Variants in KIAA0319 observed in about 807,000 individuals in gnomAD.
The protein encoded by KIAA0319 is dyslexia-associated protein KIAA0319.
In KIAA0319, 83 loss-of-function variants were observed where a neutral mutation model predicts 108.4. That is an observed-to-expected ratio of 0.77 (90% CI 0.64 to 0.92). The LOEUF is 0.92. Among genes scored for constraint, KIAA0319 ranks in the 40% least tolerant of loss-of-function variants. The pLI is 0.00. For synonymous variants in KIAA0319, 484 were observed against 510.4 expected (o/e 0.95, Z 0.70); for missense variants, 1,195 against 1,322.4 (o/e 0.90, Z 1.49).
At position 24,578,189 on chromosome 6, in the gene KIAA0319, G is replaced by C. The variant is rs749632488; in HGVS notation, c.1426C>G (p.Pro476Ala). ...VSYHWEEING[P>A]FIEEKTSVDS... ...ACTGAAGTCTTCTCTTCTATGAAGG[G>C]CCCGTTTATTTCTTCCCAATGATAA... is the stretch of plus-strand genomic sequence containing the variant. The change falls in exon 9 of 21, where the codon CCC (proline) becomes GCC (alanine). Residue 476 changes from proline to alanine, a missense_variant. Coordinates refer to ENST00000378214, the MANE Select transcript of KIAA0319 (RefSeq NM_014809.4). 1 of 1,608,770 alleles carries C rather than the reference G, an allele frequency of 6.2e-7. No homozygotes were observed. Among genetic ancestry groups the C allele is most frequent in the African/African-American group, 1.3e-5 (1 of 74,856 alleles).
At chr6:24,625,502 C>T in intron 1 of KIAA0319, among the ~76,000 whole-genome samples, 1 of 152,012 alleles carries the variant, frequency 6.6e-6, no homozygotes, top group East Asian at 1.9e-4. Context: ...AAAAGCTTTG[C>T]CCCTAAGATC....
At chr6:24,552,373 G>A (rs1328238667) in intron 19 of KIAA0319, among the ~76,000 whole-genome samples, 1 of 152,108 alleles carries the variant, frequency 6.6e-6, no homozygotes, top group Non-Finnish European at 1.5e-5. Flanking sequence ...CTTCATAAAT[G>A]TTCACAGTTA....
At chr6:24,571,607 C>T (rs1443165617) in intron 11 of KIAA0319, among the ~76,000 whole-genome samples, 1 of 152,108 alleles carries the variant, frequency 6.6e-6, no homozygotes, top group Non-Finnish European at 1.5e-5. Context: ...AACCTCCCCA[C>T]CACCTCCCAT....
chr6:24,606,018 TC>T (rs1411191937), intron 1 of KIAA0319, among the ~76,000 whole-genome samples: 1 of 151,892 alleles, frequency 6.6e-6, no homozygotes, highest in Non-Finnish European at 1.5e-5. Flanking sequence ...CACTGCAACC[TC>T]CGCCTCCCGG....
At chr6:24,573,778 T>A (rs368736062) in intron 10 of KIAA0319, among the ~76,000 whole-genome samples, 8 of 152,266 alleles carry the variant, frequency 5.3e-5, no homozygotes, top group Admixed American at 1.3e-4. Flanking sequence ...TATTATTATT[T>A]TTTTTAACCA....
chr6:24,611,563 G>A (rs1036618178), intron 1 of KIAA0319, among the ~76,000 whole-genome samples: 2 of 152,182 alleles, frequency 1.3e-5, no homozygotes, highest in African/African-American at 4.8e-5. Flanking sequence ...TGTCTTAAAT[G>A]TTCATGGAAA....
chr6:24,562,661 G>A (rs1349330056), intron 16 of KIAA0319, among the ~76,000 whole-genome samples: 1 of 152,112 alleles, frequency 6.6e-6, no homozygotes, highest in African/African-American at 2.4e-5. Context: ...TCAACAAGAT[G>A]AAACCCTGCC....
intron 1 of KIAA0319, among the ~76,000 whole-genome samples, chr6:24,623,122 G>C (rs1224432844): frequency 6.6e-6 from 1 of 152,120 alleles, no homozygotes; most frequent in Non-Finnish European, 1.5e-5. Flanking sequence ...AGAATTCAAA[G>C]TCAAGCTATC....
chr6:24,600,274 A>G (rs914177303), intron 2 of KIAA0319, among the ~76,000 whole-genome samples: 2 of 152,144 alleles, frequency 1.3e-5, no homozygotes, highest in Non-Finnish European at 2.9e-5. Flanking sequence ...ATTTTTTCTT[A>G]CACACTAAGC....
At chr6:24,608,429 T>C (rs1388458307) in intron 1 of KIAA0319, among the ~76,000 whole-genome samples, 1 of 151,914 alleles carries the variant, frequency 6.6e-6, no homozygotes, top group Non-Finnish European at 1.5e-5. Flanking sequence ...AATTTTAAAG[T>C]GCACATGGGA....
intron 3 of KIAA0319, among the ~76,000 whole-genome samples, chr6:24,591,040 T>C (rs1038534926): frequency 7.2e-5 from 11 of 152,222 alleles, no homozygotes; most frequent in Admixed American, 7.2e-4. Flanking sequence ...TTAAAACAAC[T>C]TGTTTTAGGT....
chr6:24,567,003 C>T (rs1270370551), intron 13 of KIAA0319, among the ~76,000 whole-genome samples: 1 of 152,126 alleles, frequency 6.6e-6, no homozygotes, highest in African/African-American at 2.4e-5. Context: ...GGGAATTTTT[C>T]TAATATTGTT....
intron 1 of KIAA0319, among the ~76,000 whole-genome samples, chr6:24,625,891 G>A (rs1205369816): frequency 6.6e-6 from 1 of 152,210 alleles, no homozygotes; most frequent in Non-Finnish European, 1.5e-5. Flanking sequence ...AGTGGAGACT[G>A]TAAAACATCA....
chr6:24,581,869 C>T (rs986799934), intron 6 of KIAA0319, among the ~76,000 whole-genome samples: 5 of 152,142 alleles, frequency 3.3e-5, no homozygotes, highest in South Asian at 2.1e-4. Context: ...TGCAGCTGGG[C>T]GTGGTGGCTC....
At chr6:24,626,223 A>T (rs1392607010) in intron 1 of KIAA0319, among the ~76,000 whole-genome samples, 1 of 152,206 alleles carries the variant, frequency 6.6e-6, no homozygotes. Flanking sequence ...TAAGCATCTG[A>T]GGATTTTTTA....
chr6:24,624,011 T>C (rs1774337061), intron 1 of KIAA0319, among the ~76,000 whole-genome samples: 1 of 95,928 alleles, frequency 1.0e-5, no homozygotes, highest in South Asian at 3.6e-4. Context: ...TGAATTTCTT[T>C]GTTTTCTTTT....
At chr6:24,557,763 C>CT (rs560646365) in intron 17 of KIAA0319, among the ~76,000 whole-genome samples, 131 of 146,048 alleles carry the variant, frequency 9.0e-4, no homozygotes, top group African/African-American at 2.3e-3. Flanking sequence ...TCATAATATA[C>CT]TTTTTTTTTT....
chr6:24,595,557 A>AC (rs1554164814), intron 3 of KIAA0319, among the ~76,000 whole-genome samples: 3 of 148,756 alleles, frequency 2.0e-5, no homozygotes, highest in Non-Finnish European at 4.5e-5. Context: ...AAAAAAAAAA[A>AC]AAAAAAAAAA....
intron 4 of KIAA0319, 120 bp from the exon 5 acceptor site, chr6:24,583,822 T>G (rs1767022879): frequency 1.5e-6 from 1 of 675,194 alleles, no homozygotes; most frequent in Non-Finnish European, 2.5e-6. Flanking sequence ...TTGTAATAGT[T>G]CTTCATAAGA....
Sources: allele counts gnomAD v4.1 joint callset (sites outside exome capture counted in the v4.1 genomes callset), GRCh38; gene constraint gnomAD v4.1.1; transcripts MANE v1.5; gene names NCBI Gene and HGNC (gene_info 2026-07-23, HGNC 2026-07-21).